KCTD19: variants seen among roughly 807,000 people sequenced by gnomAD.
KCTD19 encodes the protein BTB/POZ domain-containing protein KCTD19.
A neutral mutation model predicts 103.5 loss-of-function variants in KCTD19; 67 were observed. The ratio of observed to expected loss-of-function variants is 0.65; its 90% CI spans 0.53 to 0.79. The LOEUF is 0.79. Ranked by LOEUF, KCTD19 falls within the 30% of genes least tolerant of loss-of-function variation. The pLI is 0.00. For missense variants in KCTD19, 980 were observed against 1,136.1 expected (o/e 0.86, Z 1.98); for synonymous variants, 439 against 452.2 (o/e 0.97, Z 0.37).
Position 67,291,819 on chromosome 16 carries a change from T to C in KCTD19, c.2237A>G (p.Gln746Arg). ...CACCTCACTGGCCTCGGGCAGAGGC[T>C]GCTCAGGGGCAGGGCTTTCTGTGAA... ...TKERESPAPEQPLPEASEVDS... is the reference protein window; with the variant it reads ...TKERESPAPERPLPEASEVDS... Residue 746 changes from glutamine (Q) to arginine (R), a missense_variant, in exon 13 of 16, where the codon CAG becomes CGG. Gln to Arg is a conservative substitution (Grantham distance 43). Transcript: ENST00000304372. 1 of 1,607,746 alleles carries C rather than the reference T, an allele frequency of 6.2e-7. No individual in the cohort carries two copies. Among genetic ancestry groups the C allele is most frequent in the Non-Finnish European group, 8.5e-7 (1 of 1,175,976 alleles).
At position 67,326,717 on chromosome 16, in the gene KCTD19, T is replaced by G. The variant is rs1161428758; in HGVS notation, c.-10A>C. On this transcript the variant is annotated 5_prime_UTR_variant, in exon 1 of 16. Coordinates refer to ENST00000304372, the MANE Select transcript of KCTD19 (RefSeq NM_001100915.3). The stretch of plus-strand genomic sequence containing the variant: ...GCGGGCTCCGTACCATGGTCGCGGC[T>G]CCAGCAGCGGGCGGGCGGGCTTGTG... 2.5e-6 allele frequency: 4 copies of G among 1,575,124 alleles called. No individual in the cohort carries two copies. The highest frequency in any genetic ancestry group is 3.4e-6 in the Non-Finnish European group (4 of 1,165,802).
Position 67,290,906 on chromosome 16 carries a change from C to A in KCTD19, c.2646G>T (p.Glu882Asp). Residue 882 changes from glutamate (E) to aspartate (D), a missense_variant, in exon 15 of 16, where the codon GAG (glutamate) becomes GAT (aspartate). Physicochemically the swap from Glu to Asp is conservative, Grantham distance 45. Coordinates refer to ENST00000304372, the MANE Select transcript of KCTD19 (RefSeq NM_001100915.3). ...TCACCTCCACCCAGCTGTACAGGCG[C>A]TCCTGGGTGTGCCGGTCATCCTTGA... is the stretch of plus-strand genomic sequence containing the variant. ...TGFKDDRHTQERLYSWVELTL... is the reference protein window; with the variant it reads ...TGFKDDRHTQDRLYSWVELTL... 1.2e-6 allele frequency: 2 copies of A among 1,613,838 alleles called. No homozygotes were observed. Among genetic ancestry groups the A allele is most frequent in the South Asian group, 2.2e-5 (2 of 91,042 alleles).
chr16:67,303,108 C>CTGGGGGGGGGGGGGGGGGGGGG lies in KCTD19; in HGVS notation c.643+37_643+38insCCCCCCCCCCCCCCCCCCCCCA. ...ATGGGGAGGGGTGAATGGGCCCTAT[C>CTGGGGGGGGGGGGGGGGGGGGG]AGCCCGCCCCCCACCCCACCCCGGA... On this transcript the variant is annotated intron_variant, in intron 4 of 15. Coordinates refer to ENST00000304372, the MANE Select transcript of KCTD19 (RefSeq NM_001100915.3). This position sits in a 1 kb window ranked among gnomAD's most constrained non-coding sequence, Gnocchi z 4.3. 1 of 798,078 alleles carries CTGGGGGGGGGGGGGGGGGGGGG rather than the reference C, an allele frequency of 1.3e-6. No individual in the cohort carries two copies. Among genetic ancestry groups the CTGGGGGGGGGGGGGGGGGGGGG allele is most frequent in the East Asian group, 2.8e-5 (1 of 36,056 alleles). The allele number at this position is 798,078 out of a possible 1,614,324, so 49.4% of individuals were successfully genotyped here. A position where few individuals can be genotyped will look rare whatever the true frequency, so the allele number is the denominator to read the frequency against.
At chr16:67,296,317 G>T (rs990574301) in intron 7 of KCTD19, 58 bp from the exon 8 acceptor site, 2 of 1,068,810 alleles carry the variant, frequency 1.9e-6, no homozygotes, top group African/African-American at 3.1e-5. Flanking sequence ...AAAGCAGGTA[G>T]GGCCCTTTGG....
intron 2 of KCTD19, among the ~76,000 whole-genome samples, chr16:67,307,785 A>G (rs1445623542): frequency 6.6e-6 from 1 of 152,166 alleles, no homozygotes; most frequent in Non-Finnish European, 1.5e-5. Context: ...TTTCTTTGTG[A>G]TGGAAACATT....
Position 67,295,031 on chromosome 16 carries a change from C to T in KCTD19, c.1417G>A (p.Val473Met). The T allele has an allele frequency of 1.9e-6, 3 of 1,614,078 alleles. No individual in the cohort carries two copies. Among genetic ancestry groups the T allele is most frequent in the Non-Finnish European group, 2.5e-6 (3 of 1,179,930 alleles). The change falls in exon 10 of 16, where the codon GTG becomes ATG. Residue 473 changes from valine to methionine, a missense_variant. Val to Met is a conservative substitution (Grantham distance 21). Coordinates refer to ENST00000304372, the MANE Select transcript of KCTD19 (RefSeq NM_001100915.3). ...FKEWPLFCQEVEEYHIPSLSE... is the reference protein window; with the variant it reads ...FKEWPLFCQEMEEYHIPSLSE... ...AGGGATGGAATGTGGTATTCCTCCA[C>T]CTCCTGGCAGAAGAGGGGCCATTCC...
intron 5 of KCTD19, 183 bp from the exon 6 acceptor site, chr16:67,299,756 C>T: frequency 1.7e-6 from 1 of 580,804 alleles, no homozygotes; most frequent in South Asian, 2.4e-5. Context: ...TATACTCAGG[C>T]TTAGAAGTCA....
intron 6 of KCTD19, among the ~76,000 whole-genome samples, chr16:67,298,534 G>A (rs1179589268): frequency 6.6e-6 from 1 of 152,126 alleles, no homozygotes; most frequent in Non-Finnish European, 1.5e-5. Flanking sequence ...CCACGGTCTT[G>A]GAAAAAGGCT....
rs141239819 is a variant in KCTD19 at position 67,296,933 on chromosome 16, G to A, written c.1147+570C>T. 4.5e-3 allele frequency among the ~76,000 whole-genome samples: 688 copies of A among 152,304 alleles called. 5 individuals carry two copies. The highest frequency in any genetic ancestry group is 6.8e-3 in the Middle Eastern group (2 of 294). ...AGTCTGTGTTGCTTACTTCTGTGCC[G>A]CCAGTGTCTACTGCTGTCCTGGTAT... On this transcript the variant is annotated intron_variant, in intron 7 of 15. Transcript: ENST00000304372.
In KCTD19 at chr16:67,320,490, G is replaced by A; in HGVS notation, c.300+99C>T. The A allele has an allele frequency of 8.6e-7, 1 of 1,156,592 alleles. No homozygotes were observed. The highest frequency in any genetic ancestry group is 1.2e-6 in the Non-Finnish European group (1 of 803,562). 71.6% of individuals were successfully genotyped at this position (1,156,592 alleles called of 1,614,324 possible). On this transcript the variant is annotated intron_variant, in intron 2 of 15. Coordinates refer to ENST00000304372, the MANE Select transcript of KCTD19 (RefSeq NM_001100915.3). This position sits in a 1 kb window ranked among gnomAD's most constrained non-coding sequence, Gnocchi z 4.0. ...CACACTTATTACATTTGCCCATTAAGAGGGTCATCTCAGCAACCAATATAT... is the reference window on the plus strand; with the variant it reads ...CACACTTATTACATTTGCCCATTAAAAGGGTCATCTCAGCAACCAATATAT...
At position 67,323,455 on chromosome 16, in the gene KCTD19, T is replaced by A. The variant is rs1372278184; in HGVS notation, c.4-2570A>T. Among the ~76,000 whole-genome samples the A allele has an allele frequency of 6.6e-6, 1 of 152,096 alleles. No homozygotes were observed. Among genetic ancestry groups the A allele is most frequent in the African/African-American group, 2.4e-5 (1 of 41,406 alleles). On this transcript the variant is annotated intron_variant, in intron 1 of 15. Transcript: ENST00000304372. This position sits in a 1 kb window ranked among gnomAD's most constrained non-coding sequence, Gnocchi z 4.1. ...GGAGATTCACTTGAGCCCAGGAGTT[T>A]GAGGCTGCAGTGAGCTGTGATCGTG...
rs777468272 is a variant in KCTD19 at position 67,289,671 on chromosome 16, G to A, written c.2679C>T (p.Pro893=). The change falls in exon 16 of 16, where the codon CCC becomes CCT. Residue 893 remains proline, a synonymous_variant. Coordinates refer to ENST00000304372, the MANE Select transcript of KCTD19 (RefSeq NM_001100915.3). ...TGCATCGGCCATATTTCCTGGCGAAGGGCAGTGTAAGCTGGAAGGAAAGGC... is the reference window on the plus strand; with the variant it reads ...TGCATCGGCCATATTTCCTGGCGAAAGGCAGTGTAAGCTGGAAGGAAAGGC... ...RLYSWVELTL[P]FARKYGRCMD... is the part of the protein sequence containing the mutation. The A allele has an allele frequency of 1.2e-6, 2 of 1,613,490 alleles. No homozygotes were observed. The highest frequency in any genetic ancestry group is 8.5e-7 in the Non-Finnish European group (1 of 1,179,494).
Position 67,293,575 on chromosome 16 carries a change from C to G in KCTD19, c.2187G>C (p.Lys729Asn). Residue 729 changes from lysine to asparagine, a missense_variant, in exon 12 of 16, where the codon AAG becomes AAC. Transcript: ENST00000304372. This position sits in a 1 kb window ranked among gnomAD's most constrained non-coding sequence, Gnocchi z 4.0. ...CCTTGGTCCTCTGCTTGCTCCAGTC[C>G]TTCAGGGTGCCAGCTCTTTTTGGGG... ...YLPPKRAGTL[K>N]DWSKQRTKER... 6.2e-7 allele frequency: 1 copy of G among 1,614,098 alleles called. No individual in the cohort carries two copies.
chr16:67,303,108 C>CGGGCGGGGGGG lies in KCTD19; in HGVS notation c.643+37_643+38insCCCCCCCGCCC. ...ATGGGGAGGGGTGAATGGGCCCTAT[C>CGGGCGGGGGGG]AGCCCGCCCCCCACCCCACCCCGGA... On this transcript the variant is annotated intron_variant, in intron 4 of 15. Transcript: ENST00000304372. The surrounding 1 kb of genome is among the most constrained non-coding windows in gnomAD (Gnocchi z 4.3). 1.3e-6 allele frequency: 1 copy of CGGGCGGGGGGG among 798,078 alleles called. No individual in the cohort carries two copies. The highest frequency in any genetic ancestry group is 2.1e-6 in the Non-Finnish European group (1 of 476,660). The allele number at this position is 798,078 out of a possible 1,614,324, so 49.4% of individuals were successfully genotyped here.
chr16:67,294,080 A>T lies in KCTD19; in HGVS notation c.1682T>A (p.Met561Lys). ...CCGAGTGTACTGCTCAGCCTCATCCATCTGGTTGGACCTGACCAGGTTTCC... is the reference window on the plus strand; with the variant it reads ...CCGAGTGTACTGCTCAGCCTCATCCTTCTGGTTGGACCTGACCAGGTTTCC... ...AKGNLVRSNQMDEAEQYTRPI... is the reference protein window; with the variant it reads ...AKGNLVRSNQKDEAEQYTRPI... Residue 561 changes from methionine to lysine, a missense_variant, in exon 12 of 16, where the codon ATG becomes AAG. Met to Lys is a moderately conservative substitution (Grantham distance 95). Transcript: ENST00000304372. 6.2e-7 allele frequency: 1 copy of T among 1,614,152 alleles called. No homozygotes were observed. The highest frequency in any genetic ancestry group is 8.5e-7 in the Non-Finnish European group (1 of 1,180,020).
In KCTD19 at chr16:67,295,039, C is replaced by T; in HGVS notation, c.1409G>A (p.Cys470Tyr). ...AATGTGGTATTCCTCCACCTCCTGG[C>T]AGAAGAGGGGCCATTCCCTGCAAAC... ...PSEFKEWPLFCQEVEEYHIPS... is the reference protein window; with the variant it reads ...PSEFKEWPLFYQEVEEYHIPS... The change falls in exon 10 of 16, where the codon TGC becomes TAC. Residue 470 changes from cysteine to tyrosine, a missense_variant. Transcript: ENST00000304372. The T allele has an allele frequency of 6.2e-7, 1 of 1,613,992 alleles. No individual in the cohort carries two copies. Among genetic ancestry groups the T allele is most frequent in the South Asian group, 1.1e-5 (1 of 91,082 alleles).
intron 3 of KCTD19, 39 bp downstream of exon 3, chr16:67,304,382 G>A (rs777102663): frequency 6.2e-6 from 10 of 1,605,222 alleles, no homozygotes; most frequent in Non-Finnish European, 7.7e-6. Context: ...AGGGAAAGTT[G>A]GTGTGGGCTT....
At chr16:67,318,439 G>T (rs2037035363) in intron 2 of KCTD19, among the ~76,000 whole-genome samples, 1 of 151,700 alleles carries the variant, frequency 6.6e-6, no homozygotes, top group South Asian at 2.1e-4. Flanking sequence ...GCACAAGCCT[G>T]TAATCCCACT....
At chr16:67,309,673 A>C (rs760846859) in intron 2 of KCTD19, among the ~76,000 whole-genome samples, 1 of 152,156 alleles carries the variant, frequency 6.6e-6, no homozygotes, top group Non-Finnish European at 1.5e-5. Context: ...AGTGCCTTTG[A>C]ACAACTCTAA....
Sources: allele counts gnomAD v4.1 joint callset (sites outside exome capture counted in the v4.1 genomes callset), GRCh38; gene constraint gnomAD v4.1.1; non-coding constraint Gnocchi (gnomAD v3.1); transcripts MANE v1.5; gene names NCBI Gene and HGNC (gene_info 2026-07-23, HGNC 2026-07-21).